DSC2: variants seen among roughly 807,000 people sequenced by gnomAD.
DSC2 encodes the protein desmocollin-2.
Under a neutral mutation model 87.6 loss-of-function variants are expected in DSC2, and 51 were observed. The observed-to-expected ratio is 0.58, with a 90% CI of 0.46 to 0.74. The LOEUF is 0.74. Ranked by LOEUF, DSC2 falls within the 30% of genes least tolerant of loss-of-function variation. The pLI is 0.00. For synonymous variants in DSC2, 383 were observed against 393.2 expected, an observed-to-expected ratio of 0.97 and a Z score of 0.31; for missense variants, 1,066 against 1,089.5, an observed-to-expected ratio of 0.98 and a Z score of 0.30.
rs1987979751 is a variant in DSC2, at chr18:31,101,977, G to C, written c.-6C>G. 1 of 1,517,030 alleles carries C rather than the reference G, an allele frequency of 6.6e-7. No homozygotes were observed. Among genetic ancestry groups the C allele is most frequent in the African/African-American group, 1.4e-5 (1 of 70,740 alleles). 94.0% of individuals were successfully genotyped at this position (1,517,030 alleles called of 1,614,324 possible). A position where few individuals can be genotyped will look rare whatever the true frequency, so the allele number is the denominator to read the frequency against. On this transcript the variant is annotated 5_prime_UTR_variant, in exon 1 of 16. Transcript: ENST00000280904. ...GAGGGGCGGGCTGCCTCCATGGAGA[G>C]GGCTCGGGGCAGGTCGCGGGCCGAG...
At position 31,089,278 on chromosome 18, in the gene DSC2, T is replaced by C. The variant is rs34296761; in HGVS notation, c.630+161A>G. Among the ~76,000 whole-genome samples, 601 of 152,172 alleles carry C rather than the reference T, an allele frequency of 3.9e-3. 1 individual carries two copies. Among genetic ancestry groups the C allele is most frequent in the Non-Finnish European group, 6.1e-3 (415 of 68,018 alleles). On this transcript the variant is annotated intron_variant, in intron 5 of 15. Coordinates refer to ENST00000280904, the MANE Select transcript of DSC2 (RefSeq NM_024422.6). The stretch of plus-strand genomic sequence containing the variant: ...ATGGAATCCAATATTATTTATTCTA[T>C]GAAAATATTTTTTGTTTCAAGTCAA...
chr18:31,074,655 G>C (rs761536880), intron 12 of DSC2, 28 bp downstream of exon 12: 1 of 1,598,862 alleles, frequency 6.3e-7, no homozygotes, highest in South Asian at 1.1e-5. Context: ...ATGTTGAAAA[G>C]GACAAAGCAA....
rs146281774 is a variant in DSC2, at chr18:31,094,418, T to A, written c.70-775A>T. On this transcript the variant is annotated intron_variant, in intron 1 of 15. Coordinates refer to ENST00000280904, the MANE Select transcript of DSC2 (RefSeq NM_024422.6). The stretch of plus-strand genomic sequence containing the variant: ...TCATAAATAAAAGTTAAGTTCATTT[T>A]AGAAAATAATTTACTTAAAAATTTT... Among the ~76,000 whole-genome samples the A allele has an allele frequency of 2.6e-3, 390 of 152,372 alleles. 3 individuals are homozygous for A. Among genetic ancestry groups the A allele is most frequent in the African/African-American group, 9.1e-3 (377 of 41,584 alleles).
intron 4 of DSC2, 108 bp downstream of exon 4, chr18:31,090,920 T>C: frequency 6.9e-7 from 1 of 1,449,460 alleles, no homozygotes; most frequent in East Asian, 2.3e-5. Context: ...ACATACTCAT[T>C]CACTCACATA....
Position 31,094,411 on chromosome 18 carries a change from T to C in DSC2, c.70-768A>G, listed in dbSNP as rs1030946693. 2.6e-5 allele frequency among the ~76,000 whole-genome samples: 4 copies of C among 152,354 alleles called. No individual in the cohort carries two copies. The East Asian group carries it at 5.8e-4, about 22-fold the overall frequency. ...TATCTTCTCATAAATAAAAGTTAAG[T>C]TCATTTTAGAAAATAATTTACTTAA... On this transcript the variant is annotated intron_variant, in intron 1 of 15. Coordinates refer to ENST00000280904, the MANE Select transcript of DSC2 (RefSeq NM_024422.6).
chr18:31,066,916 A>C lies in DSC2; in HGVS notation c.*1099T>G, dbSNP rs563324683. ...TCACATTTTTAAACTGCATCCTTGCATTACAGAACTGTAAATGTGTTGTCA... is the reference window on the plus strand; with the variant it reads ...TCACATTTTTAAACTGCATCCTTGCCTTACAGAACTGTAAATGTGTTGTCA... On this transcript the variant is annotated 3_prime_UTR_variant, in exon 16 of 16. Coordinates refer to ENST00000280904, the MANE Select transcript of DSC2 (RefSeq NM_024422.6). 1.3e-5 allele frequency: 2 copies of C among 152,260 alleles called. No individual in the cohort carries two copies. The highest frequency in any genetic ancestry group is 4.1e-4 in the South Asian group (2 of 4,832). 9.4% of individuals were successfully genotyped at this position (152,260 alleles called of 1,614,324 possible).
chr18:31,091,396 C>T (rs562428578), intron 3 of DSC2: 1 of 590,682 alleles, frequency 1.7e-6, no homozygotes, highest in African/African-American at 1.9e-5. Context: ...AGAGATGGAA[C>T]TGGAAGCCTA....
intron 12 of DSC2, among the ~76,000 whole-genome samples, chr18:31,074,051 T>C (rs1227719686): frequency 1.3e-5 from 2 of 152,174 alleles, no homozygotes; most frequent in Non-Finnish European, 2.9e-5. Context: ...GCAGCCCACA[T>C]ACACTGATGG....
chr18:31,083,839 A>G (rs1987312017), intron 7 of DSC2, among the ~76,000 whole-genome samples: 1 of 152,184 alleles, frequency 6.6e-6, no homozygotes, highest in Admixed American at 6.5e-5. Context: ...GTTTCTCCTT[A>G]TAACTTTCAT....
chr18:31,072,630 C>T (rs1471023946), intron 12 of DSC2, among the ~76,000 whole-genome samples: 1 of 151,814 alleles, frequency 6.6e-6, no homozygotes, highest in Non-Finnish European at 1.5e-5. Context: ...AAGAAAAAAA[C>T]AATAAAAAAC....
chr18:31,069,235 C>CT (rs896218370), intron 14 of DSC2, 84 bp from the exon 15 acceptor site: 7 of 1,555,856 alleles, frequency 4.5e-6, no homozygotes, highest in Non-Finnish European at 5.3e-6. Flanking sequence ...CGGATAATGC[C>CT]TTTTTTTGTG....
Position 31,062,611 on chromosome 18 carries a change from C to G in DSC2, c.*5404G>C, listed in dbSNP as rs546725542. The G allele has an allele frequency of 6.6e-6, 1 of 152,302 alleles. No homozygotes were observed. The highest frequency in any genetic ancestry group is 1.5e-5 in the Non-Finnish European group (1 of 68,042). The allele number at this position is 152,302 out of a possible 1,614,324, so 9.4% of individuals were successfully genotyped here. A position where few individuals can be genotyped will look rare whatever the true frequency, so the allele number is the denominator to read the frequency against. On this transcript the variant is annotated 3_prime_UTR_variant, in exon 16 of 16. Transcript: ENST00000280904. Reference sequence around the variant, plus strand: ...ACACACCAAATATATTCAGTGTCTACTGCTCTACATGTTAGGCATACAGTG... The same window carrying G: ...ACACACCAAATATATTCAGTGTCTAGTGCTCTACATGTTAGGCATACAGTG...
At chr18:31,082,547 C>A in intron 8 of DSC2, 124 bp from the exon 9 acceptor site, 1 of 883,414 alleles carries the variant, frequency 1.1e-6, no homozygotes, top group Admixed American at 2.1e-5. Context: ...GAAACCCTAG[C>A]ACTATACAAC....
chr18:31,100,200 C>T (rs541437031), intron 1 of DSC2, among the ~76,000 whole-genome samples: 1 of 152,264 alleles, frequency 6.6e-6, no homozygotes, highest in South Asian at 2.1e-4. Context: ...ATACTTCCTA[C>T]CCCACTCCCC....
chr18:31,089,700 C>T (rs1318114066), intron 4 of DSC2, 106 bp from the exon 5 acceptor site: 2 of 1,085,310 alleles, frequency 1.8e-6, no homozygotes, highest in Non-Finnish European at 2.6e-6. Flanking sequence ...AAATAATTGC[C>T]CTTAATTTAT....
Position 31,102,134 on chromosome 18 carries a change from A to G in DSC2, c.-163T>C. The G allele has an allele frequency of 1.8e-6, 1 of 554,628 alleles. No individual in the cohort carries two copies. The highest frequency in any genetic ancestry group is 3.0e-6 in the Non-Finnish European group (1 of 338,570). The allele number at this position is 554,628 out of a possible 1,614,324, so 34.4% of individuals were successfully genotyped here. On this transcript the variant is annotated 5_prime_UTR_variant, in exon 1 of 16. Transcript: ENST00000280904. ...AGAGGTGCTTTTCTTAGCTTCTCTG[A>G]AGCGCCTGCCTCTCATCCAAGGGGC...
At position 31,062,451 on chromosome 18, in the gene DSC2, C is replaced by G. The variant is rs190275309; in HGVS notation, c.*5564G>C. 6.6e-6 allele frequency: 1 copy of G among 151,638 alleles called. No homozygotes were observed. Among genetic ancestry groups the G allele is most frequent in the Non-Finnish European group, 1.5e-5 (1 of 67,980 alleles). 9.4% of individuals were successfully genotyped at this position (151,638 alleles called of 1,614,324 possible). ...TTTGAACCTGGCAATGATGAAGTGA[C>G]AGTCGCAAACATAATTTTCACATTG... On this transcript the variant is annotated 3_prime_UTR_variant, in exon 16 of 16. Transcript: ENST00000280904.
chr18:31,098,547 C>A (rs143972209), intron 1 of DSC2, among the ~76,000 whole-genome samples: 1 of 151,916 alleles, frequency 6.6e-6, no homozygotes, highest in Non-Finnish European at 1.5e-5. Flanking sequence ...CTCCACCTCC[C>A]GGGTTCAAGT....
intron 12 of DSC2, among the ~76,000 whole-genome samples, chr18:31,073,029 A>AT (rs1986883943): frequency 6.6e-6 from 1 of 152,200 alleles, no homozygotes; most frequent in Non-Finnish European, 1.5e-5. Flanking sequence ...AGATTTACTT[A>AT]ACTAACAAAC....
Sources: gnomAD v4.1 joint callset for allele counts (sites outside exome capture counted in the v4.1 genomes callset) on GRCh38, gnomAD v4.1.1 for gene constraint, MANE v1.5 for transcripts, NCBI Gene and HGNC (gene_info 2026-07-23, HGNC 2026-07-21) for gene names.